The following EIF4E1B variants were observed in gnomAD, a reference collection of about 807,000 sequenced individuals.
EIF4E1B encodes the protein eukaryotic translation initiation factor 4E family member 1B.
A neutral mutation model predicts 31.3 loss-of-function variants in EIF4E1B; 22 were observed. That is an observed-to-expected ratio of 0.70 (90% CI 0.50 to 1.00). The LOEUF (loss-of-function observed/expected upper bound fraction) is 1.00, where lower values mean the gene tolerates loss of function less well. Ranked by LOEUF, EIF4E1B falls within the 50% of genes least tolerant of loss-of-function variation. EIF4E1B has a pLI of 0.00. For missense variants in EIF4E1B, 290 were observed against 311.6 expected (o/e 0.93, Z 0.52); for synonymous variants, 126 against 120.2 (o/e 1.05, Z -0.31).
In EIF4E1B at chr5:176,646,063, T is replaced by TCCCC; in HGVS notation, c.*84_*85insCCCC. 1.7e-6 allele frequency: 2 copies of TCCCC among 1,201,488 alleles called. No individual in the cohort carries two copies. Among genetic ancestry groups the TCCCC allele is most frequent in the South Asian group, 2.7e-5 (2 of 74,872 alleles). 74.4% of individuals were successfully genotyped at this position (1,201,488 alleles called of 1,614,324 possible). On this transcript the variant is annotated 3_prime_UTR_variant, in exon 9 of 9. Coordinates refer to ENST00000318682, the MANE Select transcript of EIF4E1B (RefSeq NM_001099408.2). ...TTGGGGGATGGGGCGGGACTGGGGA[T>TCCCC]CAGACAGCCTAGTTCTTACCTGTCC...
Position 176,645,313 on chromosome 5 carries a change from A to G in EIF4E1B, c.475-64A>G. On this transcript the variant is annotated intron_variant, in intron 7 of 8. Transcript: ENST00000318682. This position sits in a 1 kb window ranked among gnomAD's most constrained non-coding sequence, Gnocchi z 5.4. The stretch of plus-strand genomic sequence containing the variant: ...TGGGTCTCATGGTGGCAGTGGTCTC[A>G]AGGATGGCAGGCCAGTCCCTATGTC... 6.4e-7 allele frequency: 1 copy of G among 1,568,060 alleles called. No homozygotes were observed. The highest frequency in any genetic ancestry group is 8.7e-7 in the Non-Finnish European group (1 of 1,152,010).
rs947375521 is a variant in EIF4E1B, at chr5:176,645,457, G to C, written c.555G>C (p.Gly185=). Residue 185 remains glycine, a synonymous_variant, in exon 8 of 9, where the codon GGG becomes GGC. Transcript: ENST00000318682. The surrounding 1 kb of genome is among the most constrained non-coding windows in gnomAD (Gnocchi z 5.4). Reference sequence around the variant, plus strand: ...CCGTCGTCAACATCCGCACCAAGGGGGACAAGATCGCTGTGTGGACGAGGG... The same window carrying C: ...CCGTCGTCAACATCCGCACCAAGGGCGACAAGATCGCTGTGTGGACGAGGG... The part of the protein sequence containing the change: ...CGAVVNIRTK[G]DKIAVWTREA... The C allele has an allele frequency of 4.0e-6, 6 of 1,517,642 alleles. No individual in the cohort carries two copies. Among genetic ancestry groups the C allele is most frequent in the Admixed American group, 2.3e-5 (1 of 43,932 alleles). The allele number at this position is 1,517,642 out of a possible 1,614,324, so 94.0% of individuals were successfully genotyped here.
chr5:176,640,742 C>T (rs1760562958), intron 1 of EIF4E1B, among the ~76,000 whole-genome samples: 1 of 152,226 alleles, frequency 6.6e-6, no homozygotes, highest in Non-Finnish European at 1.5e-5. Context: ...CAGTGGCTCC[C>T]CACTGCCCCT....
chr5:176,635,684 T>C (rs956537669), intron 1 of EIF4E1B, among the ~76,000 whole-genome samples: 3 of 152,254 alleles, frequency 2.0e-5, no homozygotes, highest in African/African-American at 7.2e-5. Flanking sequence ...TGATGCACCA[T>C]TCTTAGTACA....
intron 1 of EIF4E1B, among the ~76,000 whole-genome samples, chr5:176,639,232 G>A (rs1481548059): frequency 6.6e-6 from 1 of 152,190 alleles, no homozygotes; most frequent in Non-Finnish European, 1.5e-5. Flanking sequence ...AGCAGCCAAG[G>A]TCAGAACCAG....
chr5:176,644,165 G>T, intron 5 of EIF4E1B: 1 of 599,930 alleles, frequency 1.7e-6, no homozygotes, highest in Non-Finnish European at 2.9e-6. Flanking sequence ...ACCCTCCCCA[G>T]GGGTTGGCTC....
At chr5:176,635,455 C>T (rs1469374005) in intron 1 of EIF4E1B, among the ~76,000 whole-genome samples, 1 of 152,200 alleles carries the variant, frequency 6.6e-6, no homozygotes, top group Non-Finnish European at 1.5e-5. Flanking sequence ...TGGTGGTGAG[C>T]ATTCCCAGCA....
At chr5:176,636,713 T>C (rs1218944647) in intron 1 of EIF4E1B, among the ~76,000 whole-genome samples, 2 of 152,240 alleles carry the variant, frequency 1.3e-5, no homozygotes, top group African/African-American at 2.4e-5. Context: ...ACATCTGCAA[T>C]GTGCCAAGTA....
At chr5:176,634,438 G>A (rs1282787745) in intron 1 of EIF4E1B, among the ~76,000 whole-genome samples, 1 of 152,112 alleles carries the variant, frequency 6.6e-6, no homozygotes, top group African/African-American at 2.4e-5. Context: ...CTGTCAGTGT[G>A]ATGTCATTGA....
At chr5:176,641,423 G>A (rs753186802) in intron 1 of EIF4E1B, among the ~76,000 whole-genome samples, 2 of 152,220 alleles carry the variant, frequency 1.3e-5, no homozygotes, top group Non-Finnish European at 2.9e-5. Flanking sequence ...CCAGCAGCGT[G>A]TGATGAGCAA....
At chr5:176,636,221 G>T (rs1323357092) in intron 1 of EIF4E1B, among the ~76,000 whole-genome samples, 1 of 152,214 alleles carries the variant, frequency 6.6e-6, no homozygotes, top group South Asian at 2.1e-4. Flanking sequence ...TAGCAGGATG[G>T]ATCCTTTCCC....
Position 176,645,060 on chromosome 5 carries a change from C to T in EIF4E1B, c.361-70C>T, listed in dbSNP as rs944562178. 1.4e-5 allele frequency: 20 copies of T among 1,385,166 alleles called. No homozygotes were observed. The highest frequency in any genetic ancestry group is 5.7e-5 in the African/African-American group (4 of 70,060). The allele number at this position is 1,385,166 out of a possible 1,614,324, so 85.8% of individuals were successfully genotyped here. A position where few individuals can be genotyped will look rare whatever the true frequency, so the allele number is the denominator to read the frequency against. ...GGCCTCAGCAGAGAGCGGATAAGGC[C>T]GGGATGGTGGGTGGGTCCCCATTTC... On this transcript the variant is annotated intron_variant, in intron 6 of 8. Coordinates refer to ENST00000318682, the MANE Select transcript of EIF4E1B (RefSeq NM_001099408.2). The surrounding 1 kb of genome is among the most constrained non-coding windows in gnomAD (Gnocchi z 5.4).
intron 1 of EIF4E1B, among the ~76,000 whole-genome samples, chr5:176,634,956 C>A (rs1210141755): frequency 1.3e-5 from 2 of 152,140 alleles, no homozygotes; most frequent in South Asian, 2.1e-4. Flanking sequence ...GCATGAGCCA[C>A]CACGCCCAGC....
At chr5:176,635,007 T>C (rs1760470578) in intron 1 of EIF4E1B, among the ~76,000 whole-genome samples, 1 of 152,030 alleles carries the variant, frequency 6.6e-6, no homozygotes, top group African/African-American at 2.4e-5. Context: ...GTGAGCCAAG[T>C]GAGATCAGTG....
chr5:176,644,714 T>C (rs563182284), intron 6 of EIF4E1B: 1,146 of 524,104 alleles, frequency 2.2e-3, no homozygotes, highest in Non-Finnish European at 3.1e-3. Flanking sequence ...TCAGAATTGC[T>C]TGAGGACACT....
rs749334993 is a variant in EIF4E1B at position 176,643,120 on chromosome 5, G to A, written c.54G>A (p.Glu18=). ...EAEGGIREWE[E]EEKEEEAAER... is the part of the protein sequence containing the mutation. Reference sequence around the variant, plus strand: ...AGGGTGGAATCCGAGAGTGGGAGGAGGAGGAGAAGGAGGAGGAGGCAGCAG... The same window carrying A: ...AGGGTGGAATCCGAGAGTGGGAGGAAGAGGAGAAGGAGGAGGAGGCAGCAG... The change falls in exon 4 of 9, where the codon GAG becomes GAA. Residue 18 remains glutamate, a synonymous_variant. Transcript: ENST00000318682. 3.1e-6 allele frequency: 5 copies of A among 1,613,830 alleles called. No homozygotes were observed. Among genetic ancestry groups the A allele is most frequent in the Non-Finnish European group, 4.2e-6 (5 of 1,179,812 alleles).
intron 1 of EIF4E1B, chr5:176,641,549 G>C (rs1226088069): frequency 6.6e-6 from 1 of 152,182 alleles, no homozygotes; most frequent in African/African-American, 2.4e-5. Flanking sequence ...AGTGGGTTGT[G>C]TTTGTGACGA....
chr5:176,643,761 G>C lies in EIF4E1B; in HGVS notation c.296+27G>C, dbSNP rs756415431. The C allele has an allele frequency of 3.8e-6, 6 of 1,598,416 alleles. No individual in the cohort carries two copies. In the East Asian group the frequency reaches 1.4e-4, roughly 36 times the overall value. ...TGAGTGTCTGTCCCCAGTGGGGCTAGAGTTGGGGGGCTCTGAGCTCTGGGC... is the reference window on the plus strand; with the variant it reads ...TGAGTGTCTGTCCCCAGTGGGGCTACAGTTGGGGGGCTCTGAGCTCTGGGC... On this transcript the variant is annotated intron_variant, in intron 5 of 8. Coordinates refer to ENST00000318682, the MANE Select transcript of EIF4E1B (RefSeq NM_001099408.2).
At chr5:176,633,305 C>A (rs1760438876) in intron 1 of EIF4E1B, among the ~76,000 whole-genome samples, 1 of 152,154 alleles carries the variant, frequency 6.6e-6, no homozygotes, top group South Asian at 2.1e-4. Context: ...TCAATCATAG[C>A]TTACTGCAGC....
Sources: gnomAD v4.1 joint callset for allele counts (sites outside exome capture counted in the v4.1 genomes callset) on GRCh38, gnomAD v4.1.1 for gene constraint, Gnocchi (gnomAD v3.1) non-coding constraint, MANE v1.5 for transcripts, NCBI Gene and HGNC (gene_info 2026-07-23, HGNC 2026-07-21) for gene names.